Variants in PHF14 observed in about 807,000 individuals in gnomAD.
PHF14 encodes PHD finger protein 14.
Under a neutral mutation model 117.9 loss-of-function variants are expected in PHF14, and 55 were observed. The ratio of observed to expected loss-of-function variants is 0.47; its 90% CI spans 0.38 to 0.58. The LOEUF is 0.58. Ranked by LOEUF, PHF14 falls within the 20% of genes least tolerant of loss-of-function variation. The pLI is 0.00. For missense variants in PHF14, 978 were observed against 1,122.2 expected, an observed-to-expected ratio of 0.87 and a Z score of 1.84; for synonymous variants, 409 against 368.6, an observed-to-expected ratio of 1.11 and a Z score of -1.26.
chr7:11,006,596 G>A, intron 4 of PHF14: 1 of 608,490 alleles, frequency 1.6e-6, no homozygotes, highest in Non-Finnish European at 3.1e-6. Flanking sequence ...GCATGTTGTT[G>A]TCTTCTATCT....
chr7:11,137,394 C>A (rs1022133026), intron 17 of PHF14, among the ~76,000 whole-genome samples: 1 of 152,074 alleles, frequency 6.6e-6, no homozygotes, highest in South Asian at 2.1e-4. Context: ...AGTTACTTCT[C>A]ACCAACCAAA....
intron 16 of PHF14, among the ~76,000 whole-genome samples, chr7:11,090,706 A>G (rs137962069): frequency 1.3e-3 from 202 of 152,260 alleles, no homozygotes; most frequent in African/African-American, 4.7e-3. Flanking sequence ...TTACTTTTGA[A>G]TTTATTTCAT....
chr7:11,120,192 A>G (rs1787711300), intron 17 of PHF14, among the ~76,000 whole-genome samples: 1 of 151,988 alleles, frequency 6.6e-6, no homozygotes. Flanking sequence ...TGAGCTTTGA[A>G]AAGAAACAAA....
chr7:10,991,994 C>T (rs1782472292), intron 4 of PHF14, among the ~76,000 whole-genome samples: 1 of 150,914 alleles, frequency 6.6e-6, no homozygotes. Flanking sequence ...CTATTTTAGT[C>T]TGATAGAAAA....
chr7:10,986,872 G>A (rs1186090003), intron 3 of PHF14, among the ~76,000 whole-genome samples: 2 of 152,110 alleles, frequency 1.3e-5, no homozygotes, highest in African/African-American at 2.4e-5. Context: ...TTTTTGTTTT[G>A]TAAAAGAAAG....
chr7:11,017,418 T>C (rs1193007285), intron 5 of PHF14, among the ~76,000 whole-genome samples: 1 of 152,182 alleles, frequency 6.6e-6, no homozygotes, highest in Non-Finnish European at 1.5e-5. Flanking sequence ...TGCCTGTCTT[T>C]TGGATATAAG....
chr7:11,060,071 C>G (rs1324074767), intron 14 of PHF14, among the ~76,000 whole-genome samples: 1 of 152,108 alleles, frequency 6.6e-6, no homozygotes, highest in Admixed American at 6.6e-5. Flanking sequence ...GAGATAAGGT[C>G]TCTCTGTGTT....
intron 16 of PHF14, among the ~76,000 whole-genome samples, chr7:11,074,338 G>A (rs1332758314): frequency 6.6e-6 from 1 of 151,746 alleles, no homozygotes; most frequent in Non-Finnish European, 1.5e-5. Flanking sequence ...AGCCTCCTGA[G>A]TAGCTGGGAC....
rs778411078 is a variant in PHF14 at position 11,013,954 on chromosome 7, C to G, written c.1205+48C>G. 12 of 1,237,410 alleles carry G rather than the reference C, an allele frequency of 9.7e-6. No homozygotes were observed. The East Asian group carries it at 2.6e-4, about 27-fold the overall frequency. The allele number at this position is 1,237,410 out of a possible 1,614,324, so 76.7% of individuals were successfully genotyped here. A position where few individuals can be genotyped will look rare whatever the true frequency, so the allele number is the denominator to read the frequency against. On this transcript the variant is annotated intron_variant, in intron 5 of 17. Coordinates refer to ENST00000634607, the MANE Select transcript of PHF14 (RefSeq NM_001007157.2). ...TTCATATGTTTGCTTTATAATGTGT[C>G]TGCCTTTGACTTCCCTGTTCTTCTG...
chr7:11,112,971 G>T (rs898614607), intron 17 of PHF14, among the ~76,000 whole-genome samples: 1 of 151,922 alleles, frequency 6.6e-6, no homozygotes, highest in Admixed American at 6.6e-5. Context: ...GTTCAAAAAT[G>T]TATTCCCAAA....
chr7:11,076,662 G>T (rs1244224619), intron 16 of PHF14, among the ~76,000 whole-genome samples: 1 of 150,698 alleles, frequency 6.6e-6, no homozygotes, highest in Non-Finnish European at 1.5e-5. Flanking sequence ...CTACCTCCGG[G>T]GTTCAAGCAA....
chr7:11,150,166 G>A (rs992275861), intron 17 of PHF14, among the ~76,000 whole-genome samples: 7 of 152,082 alleles, frequency 4.6e-5, no homozygotes, highest in Non-Finnish European at 1.0e-4. Context: ...CACTGTATTG[G>A]TCACATCTGG....
At chr7:11,038,613 G>A (rs189408507) in intron 10 of PHF14, 147 bp from the exon 11 acceptor site, 268 of 239,970 alleles carry the variant, frequency 1.1e-3, no homozygotes, top group African/African-American at 6.0e-3. Flanking sequence ...AGCCGAAATC[G>A]TGTCACCGCA....
chr7:11,095,127 T>C (rs1786796018), intron 16 of PHF14, among the ~76,000 whole-genome samples: 1 of 152,276 alleles, frequency 6.6e-6, no homozygotes, highest in East Asian at 1.9e-4. Context: ...GTAGTGATAG[T>C]AAGAGTGGTT....
At chr7:11,167,019 A>C (rs1167779776) in intron 17 of PHF14, among the ~76,000 whole-genome samples, 1 of 152,196 alleles carries the variant, frequency 6.6e-6, no homozygotes, top group Non-Finnish European at 1.5e-5. Context: ...TATTCAAATT[A>C]ATGGAAGTTG....
At chr7:11,063,620 A>AT in intron 16 of PHF14, 1 of 974,772 alleles carries the variant, frequency 1.0e-6, no homozygotes, top group Non-Finnish European at 1.2e-6. Flanking sequence ...TATGAGATTG[A>AT]TTGAGGCCTT....
In PHF14 at chr7:11,122,352, TACACACACAC is replaced by T. The variant is rs747467173; in HGVS notation, c.2772+10909_2772+10918del. On this transcript the variant is annotated intron_variant, in intron 17 of 17. Transcript: ENST00000634607. ...CTTTTTATATATATATATATATATATACACACACACACACACACACACACACACACACATA... is the reference window on the plus strand; with the variant it reads ...CTTTTTATATATATATATATATATATACACACACACACACACACACACATA... Among the ~76,000 whole-genome samples the T allele has an allele frequency of 6.5e-4, 43 of 65,836 alleles. 1 individual carries two copies. Among genetic ancestry groups the T allele is most frequent in the African/African-American group, 2.5e-3 (34 of 13,712 alleles). The allele number at this position is 65,836 out of a possible 152,430, so 43.2% of individuals were successfully genotyped here.
chr7:11,060,918 G>T (rs1302206088), intron 14 of PHF14, among the ~76,000 whole-genome samples: 1 of 152,030 alleles, frequency 6.6e-6, no homozygotes, highest in Non-Finnish European at 1.5e-5. Context: ...TTGATATGAA[G>T]AATTGAAATT....
chr7:11,089,916 C>G (rs1372373592), intron 16 of PHF14, among the ~76,000 whole-genome samples: 1 of 152,158 alleles, frequency 6.6e-6, no homozygotes, highest in African/African-American at 2.4e-5. Flanking sequence ...GGATTACAGG[C>G]ATGTGCCGTC....
Sources: gnomAD v4.1 joint callset for allele counts (sites outside exome capture counted in the v4.1 genomes callset) on GRCh38, gnomAD v4.1.1 for gene constraint, MANE v1.5 for transcripts, NCBI Gene and HGNC (gene_info 2026-07-23, HGNC 2026-07-21) for gene names.